UBE2V1: variants seen among roughly 807,000 people sequenced by gnomAD.
UBE2V1 encodes the protein ubiquitin-conjugating enzyme E2 variant 1.
A neutral mutation model predicts 19.6 loss-of-function variants in UBE2V1; 15 were observed. That is an observed-to-expected ratio of 0.77 (90% CI 0.51 to 1.18). The LOEUF is 1.18. UBE2V1 is among the 50% of genes most tolerant of loss of function. The probability of loss-of-function intolerance (pLI) is 0.00; values close to 1 mark genes in which losing one functional copy is unlikely to be tolerated. For missense variants in UBE2V1, 125 were observed against 184.8 expected (o/e 0.68, Z 1.88); for synonymous variants, 60 against 60.7 (o/e 0.99, Z 0.05).
intron 3 of UBE2V1, 52 bp from the exon 4 acceptor site, chr20:50,082,966 G>T: frequency 6.3e-7 from 1 of 1,592,028 alleles, no homozygotes; most frequent in Non-Finnish European, 8.5e-7. Flanking sequence ...AAACAAAATA[G>T]CTATATGCCG....
intron 2 of UBE2V1, 45 bp downstream of exon 2, chr20:50,096,627 G>C: frequency 6.2e-7 from 1 of 1,609,958 alleles, no homozygotes; most frequent in Non-Finnish European, 8.5e-7. Flanking sequence ...AGGAGGCACA[G>C]TGAATTTAAG....
At chr20:50,115,875 G>A, upstream of UBE2V1, 1 of 265,296 alleles carries the variant, frequency 3.8e-6, no homozygotes, top group Non-Finnish European at 7.0e-6. Flanking sequence ...TGGATTCCTT[G>A]GCTCTTGTAG....
chr20:50,095,792 A>C (rs993064329), intron 2 of UBE2V1: 4 of 152,278 alleles, frequency 2.6e-5, no homozygotes, highest in African/African-American at 4.8e-5. Context: ...TGACTCCTAC[A>C]TCAAGTTACT....
intron 1 of UBE2V1, chr20:50,098,767 G>T: frequency 3.8e-6 from 1 of 264,690 alleles, no homozygotes; most frequent in Non-Finnish European, 5.8e-6. Context: ...TTATAATAAT[G>T]GTAAAAGTTT....
intron 2 of UBE2V1, among the ~76,000 whole-genome samples, chr20:50,085,403 C>T (rs2078855844): frequency 6.6e-6 from 1 of 152,116 alleles, no homozygotes; most frequent in Non-Finnish European, 1.5e-5. Flanking sequence ...TACCTAGTCC[C>T]TAGCTTTCTA....
chr20:50,103,172 T>C (rs1476164020), intron 1 of UBE2V1, among the ~76,000 whole-genome samples: 2 of 152,262 alleles, frequency 1.3e-5, no homozygotes, highest in Admixed American at 6.5e-5. Context: ...GAATCTCCAA[T>C]GTGTCAGGGT....
chr20:50,114,615 A>G (rs1257821451), upstream of UBE2V1, among the ~76,000 whole-genome samples: 3 of 152,200 alleles, frequency 2.0e-5, no homozygotes, highest in African/African-American at 7.2e-5. Context: ...AGTGGAAACC[A>G]GGGCTCTCCA....
intron 2 of UBE2V1, chr20:50,084,878 A>C: frequency 6.4e-6 from 1 of 157,400 alleles, no homozygotes. Context: ...GAGGCAGCAC[A>C]GGGAAAAGCA....
At chr20:50,111,439 G>A (rs548584188) in intron 1 of UBE2V1, 1 of 1,000,256 alleles carries the variant, frequency 1.0e-6, no homozygotes. Context: ...CGTTTATTAC[G>A]ACCCGGTAGG....
chr20:50,086,257 G>T (rs1381946827), intron 2 of UBE2V1, among the ~76,000 whole-genome samples: 1 of 152,032 alleles, frequency 6.6e-6, no homozygotes, highest in African/African-American at 2.4e-5. Context: ...CTTCCCCTTG[G>T]AAGTGTTCCC....
At chr20:50,096,421 C>A in intron 2 of UBE2V1, 1 of 857,498 alleles carries the variant, frequency 1.2e-6, no homozygotes, top group Admixed American at 2.8e-5. Flanking sequence ...AATGACTTCA[C>A]ACCTCACTGT....
intron 2 of UBE2V1, among the ~76,000 whole-genome samples, chr20:50,086,873 C>T (rs564489317): frequency 1.3e-5 from 2 of 152,156 alleles, no homozygotes; most frequent in South Asian, 2.1e-4. Flanking sequence ...GTCAGTAGAT[C>T]GAGACCATCC....
At chr20:50,113,219 A>G (rs574815920), upstream of UBE2V1, 7 of 1,003,242 alleles carry the variant, frequency 7.0e-6, no homozygotes, top group South Asian at 2.1e-4. Flanking sequence ...GCGCACGCAC[A>G]TACGCCGCCG....
intron 2 of UBE2V1, among the ~76,000 whole-genome samples, chr20:50,086,815 C>T (rs1484307923): frequency 6.6e-6 from 1 of 152,170 alleles, no homozygotes. Context: ...AGCTGGCTCA[C>T]GCCTGTAATC....
chr20:50,108,929 T>A, intron 1 of UBE2V1: 2 of 985,398 alleles, frequency 2.0e-6, no homozygotes, highest in Non-Finnish European at 2.4e-6. Context: ...TCTCCAAGAT[T>A]AAACACTCCA....
intron 3 of UBE2V1, among the ~76,000 whole-genome samples, chr20:50,083,262 G>A (rs940725960): frequency 6.6e-6 from 1 of 152,212 alleles, no homozygotes; most frequent in Non-Finnish European, 1.5e-5. Context: ...CCCAGGTCAG[G>A]GGGACAGATG....
chr20:50,106,875 A>AAC (rs1555880261), intron 1 of UBE2V1, among the ~76,000 whole-genome samples: 1,224 of 74,698 alleles, frequency 0.016, 10 homozygotes, highest in Admixed American at 0.018. Context: ...CAACAACAAC[A>AAC]AAAAAAAAAA....
chr20:50,084,073 A>G, intron 3 of UBE2V1, 56 bp downstream of exon 3: 1 of 1,527,216 alleles, frequency 6.5e-7, no homozygotes, highest in Non-Finnish European at 8.7e-7. Context: ...TCCTGATGTT[A>G]AGTACAAAGC....
intron 1 of UBE2V1, among the ~76,000 whole-genome samples, chr20:50,104,655 CAAAAAAA>C (rs113771532): frequency 2.8e-5 from 2 of 71,612 alleles, no homozygotes; most frequent in East Asian, 4.3e-4. Flanking sequence ...GACTCTGGCA[CAAAAAAA>C]AAAAAAAAAA....
Sources: allele counts gnomAD v4.1 joint callset (sites outside exome capture counted in the v4.1 genomes callset), GRCh38; gene constraint gnomAD v4.1.1; transcripts MANE v1.5; gene names NCBI Gene and HGNC (gene_info 2026-07-23, HGNC 2026-07-21).